SVOPL: variants seen among roughly 807,000 people sequenced by gnomAD.
SVOPL encodes SVOP like.
Under a neutral mutation model 61.0 loss-of-function variants are expected in SVOPL, and 60 were observed. That is an observed-to-expected ratio of 0.98 (90% CI 0.80 to 1.22). SVOPL has a LOEUF of 1.22. SVOPL is among the 50% of genes most tolerant of loss of function. The pLI, the probability that SVOPL is intolerant of heterozygous loss-of-function variation, is 0.00. For missense variants in SVOPL, 662 were observed against 643.9 expected, an observed-to-expected ratio of 1.03 and a Z score of -0.30; for synonymous variants, 279 against 250.0, an observed-to-expected ratio of 1.12 and a Z score of -1.09.
chr7:138,613,541 T>C (rs1236975110), intron 14 of SVOPL, among the ~76,000 whole-genome samples: 1 of 152,028 alleles, frequency 6.6e-6, no homozygotes, highest in Non-Finnish European at 1.5e-5. Flanking sequence ...CCAGCAGTCA[T>C]TCTACTTGAA....
intron 14 of SVOPL, among the ~76,000 whole-genome samples, chr7:138,609,972 G>A (rs935321065): frequency 5.9e-5 from 9 of 152,180 alleles, no homozygotes; most frequent in Admixed American, 1.3e-4. Flanking sequence ...CAAATGATCC[G>A]ATGCCTGCCT....
chr7:138,622,080 AT>A (rs1381025115), intron 13 of SVOPL, among the ~76,000 whole-genome samples: 16 of 141,844 alleles, frequency 1.1e-4, no homozygotes, highest in African/African-American at 4.1e-4. Flanking sequence ...GTATCTATCT[AT>A]CTATCTATGT....
At chr7:138,654,749 C>A (rs890787787) in intron 7 of SVOPL, among the ~76,000 whole-genome samples, 36 of 151,992 alleles carry the variant, frequency 2.4e-4, no homozygotes, top group Admixed American at 2.0e-3. Flanking sequence ...GTCATCCCAA[C>A]ACTTTGGAAG....
At chr7:138,612,508 A>AT (rs71178002) in intron 14 of SVOPL, among the ~76,000 whole-genome samples, 2,125 of 70,822 alleles carry the variant, frequency 0.03, 127 homozygotes, top group African/African-American at 0.092. Flanking sequence ...GCCAGACTTA[A>AT]TTTTTTTTTT....
chr7:138,633,220 G>T (rs534025826), intron 9 of SVOPL, among the ~76,000 whole-genome samples: 1 of 152,252 alleles, frequency 6.6e-6, no homozygotes, highest in African/African-American at 2.4e-5. Context: ...GAATCCTTTG[G>T]AAGAAAGTTC....
At chr7:138,605,527 T>C (rs1369578307) in intron 14 of SVOPL, among the ~76,000 whole-genome samples, 1 of 149,828 alleles carries the variant, frequency 6.7e-6, no homozygotes, top group Non-Finnish European at 1.5e-5. Flanking sequence ...CTGAGCGTGG[T>C]GGCAGGCGCC....
chr7:138,662,041 G>A lies in SVOPL; in HGVS notation c.345+1033C>T, dbSNP rs879068347. Reference sequence around the variant, plus strand: ...TGGGGGCAAAAGGGTGAGTCTTTCTGAATCTGGCCCTCCTTTCCTTTAGGT... The same window carrying A: ...TGGGGGCAAAAGGGTGAGTCTTTCTAAATCTGGCCCTCCTTTCCTTTAGGT... On this transcript the variant is annotated intron_variant, in intron 5 of 15. Transcript: ENST00000674285. The A allele has an allele frequency of 9.1e-6, 9 of 985,338 alleles. No individual in the cohort carries two copies. The Admixed American group carries it at 2.5e-4, about 27-fold the overall frequency. 61.0% of individuals were successfully genotyped at this position (985,338 alleles called of 1,614,324 possible).
chr7:138,695,731 C>T lies in SVOPL; in HGVS notation c.-35+5447G>A, dbSNP rs572329753. 9.2e-5 allele frequency among the ~76,000 whole-genome samples: 14 copies of T among 151,914 alleles called. No individual in the cohort carries two copies. In the East Asian group the frequency reaches 1.4e-3, roughly 15 times the overall value. On this transcript the variant is annotated intron_variant, in intron 1 of 15. Coordinates refer to ENST00000674285, the MANE Select transcript of SVOPL (RefSeq NM_001139456.2). ...TACAGGGTTTAGATTTTAGGTTTCTCGGTTCTCTTTTTTACTTTATATTTT... is the reference window on the plus strand; with the variant it reads ...TACAGGGTTTAGATTTTAGGTTTCTTGGTTCTCTTTTTTACTTTATATTTT...
chr7:138,595,036 G>A (rs569469032), intron 15 of SVOPL, among the ~76,000 whole-genome samples: 28 of 151,774 alleles, frequency 1.8e-4, no homozygotes, highest in Non-Finnish European at 3.5e-4. Flanking sequence ...GATTACAGAC[G>A]TGAGCCACTG....
intron 1 of SVOPL, among the ~76,000 whole-genome samples, chr7:138,696,643 T>G (rs1408406162): frequency 6.6e-6 from 1 of 152,016 alleles, no homozygotes. Context: ...AGGCTTGTTT[T>G]GAATTCCTGA....
intron 4 of SVOPL, among the ~76,000 whole-genome samples, chr7:138,665,709 G>C (rs1426700657): frequency 6.6e-6 from 1 of 152,162 alleles, no homozygotes; most frequent in East Asian, 1.9e-4. Context: ...AAGGATCTAA[G>C]AGGTGCATAT....
At chr7:138,686,228 A>T (rs1563138495) in intron 1 of SVOPL, among the ~76,000 whole-genome samples, 1 of 151,438 alleles carries the variant, frequency 6.6e-6, no homozygotes, top group African/African-American at 2.4e-5. Context: ...CCTGGTGAAA[A>T]CCCGTCTCTA....
Position 138,637,427 on chromosome 7 carries a change from C to CATAT in SVOPL, c.789+7286_789+7289dup, listed in dbSNP as rs377328822. 3.5e-3 allele frequency among the ~76,000 whole-genome samples: 248 copies of CATAT among 71,280 alleles called. 1 individual carries two copies. Among genetic ancestry groups the CATAT allele is most frequent in the Middle Eastern group, 5.9e-3 (1 of 170 alleles). The allele number at this position is 71,280 out of a possible 152,430, so 46.8% of individuals were successfully genotyped here. A position where few individuals can be genotyped will look rare whatever the true frequency, so the allele number is the denominator to read the frequency against. ...TAGGTGACAGAGCAAGACTCCATCT[C>CATAT]ATATATATATATATAGATAGATAGA... On this transcript the variant is annotated intron_variant, in intron 9 of 15. Coordinates refer to ENST00000674285, the MANE Select transcript of SVOPL (RefSeq NM_001139456.2).
intron 13 of SVOPL, among the ~76,000 whole-genome samples, chr7:138,621,378 A>G (rs1469555983): frequency 6.6e-6 from 1 of 152,220 alleles, no homozygotes; most frequent in Non-Finnish European, 1.5e-5. Context: ...AATGTGCTTC[A>G]CTGAAGATTC....
chr7:138,638,170 G>A (rs187814951), intron 9 of SVOPL, among the ~76,000 whole-genome samples: 4 of 150,628 alleles, frequency 2.7e-5, no homozygotes, highest in Admixed American at 6.6e-5. Flanking sequence ...CTACTTGAGG[G>A]GCTAAAGCAG....
chr7:138,667,278 A>G (rs966646204), intron 4 of SVOPL, among the ~76,000 whole-genome samples: 7 of 152,190 alleles, frequency 4.6e-5, no homozygotes, highest in Admixed American at 4.6e-4. Flanking sequence ...CAGACCCCCC[A>G]TGGAAAATTC....
intron 1 of SVOPL, among the ~76,000 whole-genome samples, chr7:138,687,377 A>G (rs1322554664): frequency 6.6e-6 from 1 of 151,318 alleles, no homozygotes; most frequent in African/African-American, 2.4e-5. Context: ...CTGGGATTAC[A>G]GGTGCACACC....
chr7:138,660,070 G>T, intron 5 of SVOPL, 82 bp from the exon 6 acceptor site: 1 of 1,521,114 alleles, frequency 6.6e-7, no homozygotes. Context: ...GGCGATTTTC[G>T]GTTTCCATCC....
intron 8 of SVOPL, among the ~76,000 whole-genome samples, chr7:138,648,668 ACTGCACTCCAGCCTGGGGGACG>A (rs1246285235): frequency 6.7e-6 from 1 of 150,308 alleles, no homozygotes; most frequent in Non-Finnish European, 1.5e-5. Flanking sequence ...AGGTCGCGCC[ACTGCACTCCAGCCTGGGGGACG>A]CTGCACTCCA....
Sources: gnomAD v4.1 joint callset for allele counts (sites outside exome capture counted in the v4.1 genomes callset) on GRCh38, gnomAD v4.1.1 for gene constraint, MANE v1.5 for transcripts, NCBI Gene and HGNC (gene_info 2026-07-23, HGNC 2026-07-21) for gene names.